The following LIPC variants were observed in gnomAD, a reference collection of about 807,000 sequenced individuals.
LIPC encodes the protein lipase C, hepatic type.
Under a neutral mutation model 50.7 loss-of-function variants are expected in LIPC, and 44 were observed. The observed-to-expected ratio is 0.87, with a 90% CI of 0.68 to 1.11. LIPC has a LOEUF of 1.11. Ranked by LOEUF, LIPC falls within the 50% of genes most tolerant of loss-of-function variation. The pLI is 0.00. For missense variants in LIPC, 697 were observed against 648.2 expected (o/e 1.08, Z -0.82); for synonymous variants, 271 against 256.4 (o/e 1.06, Z -0.54).
At chr15:58,547,442 AATGCAGCCG>A (rs1893574318) in intron 5 of LIPC, among the ~76,000 whole-genome samples, 1 of 152,148 alleles carries the variant, frequency 6.6e-6, no homozygotes, top group Non-Finnish European at 1.5e-5. Flanking sequence ...GTGCCCAAGG[AATGCAGCCG>A]CTAGCGTCCA....
At chr15:58,463,846 T>C (rs1402019598) in intron 1 of LIPC, among the ~76,000 whole-genome samples, 1 of 152,214 alleles carries the variant, frequency 6.6e-6, no homozygotes, top group African/African-American at 2.4e-5. Flanking sequence ...CAGTACCTCT[T>C]GCATAACTTT....
At chr15:58,553,554 C>T (rs1416961939) in intron 6 of LIPC, among the ~76,000 whole-genome samples, 1 of 152,180 alleles carries the variant, frequency 6.6e-6, no homozygotes, top group Non-Finnish European at 1.5e-5. Flanking sequence ...GATGGTGCCA[C>T]TGCACTCTAG....
intron 1 of LIPC, chr15:58,497,984 T>C (rs1421097143): frequency 6.6e-6 from 1 of 152,212 alleles, no homozygotes; most frequent in East Asian, 1.9e-4. Context: ...AGATTCAGGC[T>C]CTGTAGAACC....
chr15:58,509,969 AAG>A (rs201477019), intron 1 of LIPC, among the ~76,000 whole-genome samples: 2 of 144,940 alleles, frequency 1.4e-5, no homozygotes, highest in Non-Finnish European at 3.1e-5. Flanking sequence ...TAAAAAAAAA[AAG>A]AGTTTAGAAA....
intron 1 of LIPC, among the ~76,000 whole-genome samples, chr15:58,462,423 A>G (rs928293062): frequency 1.3e-5 from 2 of 152,232 alleles, no homozygotes; most frequent in Non-Finnish European, 2.9e-5. Flanking sequence ...TTTAGTGTTT[A>G]TGATAAAGGC....
At chr15:58,437,174 G>A (rs970552749) in intron 1 of LIPC, among the ~76,000 whole-genome samples, 7 of 152,116 alleles carry the variant, frequency 4.6e-5, no homozygotes, top group Non-Finnish European at 7.4e-5. Context: ...TTAACACCAG[G>A]GATCTTAGCA....
intron 8 of LIPC, chr15:58,566,501 G>T: frequency 4.1e-6 from 4 of 971,388 alleles, no homozygotes; most frequent in Non-Finnish European, 4.9e-6. Flanking sequence ...AGTGCCTTTT[G>T]CAGACCAAAA....
intron 1 of LIPC, among the ~76,000 whole-genome samples, chr15:58,469,374 C>A (rs1196736137): frequency 6.6e-6 from 1 of 152,110 alleles, no homozygotes; most frequent in African/African-American, 2.4e-5. Context: ...TGGGTCTCAA[C>A]CATTTAGAGT....
intron 1 of LIPC, chr15:58,436,817 A>G (rs1391795542): frequency 4.4e-6 from 2 of 456,224 alleles, no homozygotes; most frequent in African/African-American, 2.0e-5. Flanking sequence ...GTATCCGGAC[A>G]GAAGAGAATG....
intron 1 of LIPC, among the ~76,000 whole-genome samples, chr15:58,470,813 G>A (rs1308771545): frequency 6.6e-6 from 1 of 152,046 alleles, no homozygotes; most frequent in Non-Finnish European, 1.5e-5. Context: ...TTAGCAGCCA[G>A]GATGGTCTTG....
intron 1 of LIPC, among the ~76,000 whole-genome samples, chr15:58,501,110 G>A (rs1243011471): frequency 6.6e-6 from 1 of 151,814 alleles, no homozygotes; most frequent in South Asian, 2.1e-4. Flanking sequence ...TCAGCCTCTG[G>A]GTCCTGCTGA....
intron 1 of LIPC, among the ~76,000 whole-genome samples, chr15:58,506,117 A>G (rs1055025262): frequency 6.6e-6 from 1 of 152,136 alleles, no homozygotes; most frequent in Non-Finnish European, 1.5e-5. Flanking sequence ...GGGTGCCTGT[A>G]GTACCTCTTC....
At chr15:58,513,267 C>A (rs867929343) in intron 1 of LIPC, among the ~76,000 whole-genome samples, 1 of 152,172 alleles carries the variant, frequency 6.6e-6, no homozygotes, top group Non-Finnish European at 1.5e-5. Context: ...TGCAGCCTGC[C>A]CCATTAACAA....
intron 6 of LIPC, among the ~76,000 whole-genome samples, chr15:58,550,304 G>A (rs867552391): frequency 1.4e-4 from 22 of 152,114 alleles, no homozygotes; most frequent in African/African-American, 5.1e-4. Flanking sequence ...GGGCTAAACT[G>A]GGCACTTCAT....
At chr15:58,437,468 G>C (rs1893343169) in intron 1 of LIPC, among the ~76,000 whole-genome samples, 1 of 152,114 alleles carries the variant, frequency 6.6e-6, no homozygotes, top group African/African-American at 2.4e-5. Context: ...TATTGCTAGA[G>C]ATTCTAAGTA....
intron 1 of LIPC, among the ~76,000 whole-genome samples, chr15:58,434,373 G>A (rs1401931141): frequency 6.6e-6 from 1 of 152,154 alleles, no homozygotes; most frequent in Non-Finnish European, 1.5e-5. Context: ...AGTCACTAAT[G>A]TGCTGCACAC....
intron 4 of LIPC, 139 bp downstream of exon 4, chr15:58,542,790 C>T (rs1306035551): frequency 4.5e-6 from 3 of 666,726 alleles, no homozygotes; most frequent in Non-Finnish European, 8.4e-6. Context: ...GGACTTGTGA[C>T]ATTCTTTCAA....
At chr15:58,432,367 T>A in intron 1 of LIPC, 1 of 547,188 alleles carries the variant, frequency 1.8e-6, no homozygotes, top group Non-Finnish European at 3.3e-6. Context: ...TGAAGTCTCT[T>A]GCGTATCTGA....
chr15:58,517,991 G>A (rs535884652), intron 1 of LIPC, among the ~76,000 whole-genome samples: 20 of 152,268 alleles, frequency 1.3e-4, no homozygotes, highest in Non-Finnish European at 2.2e-4. Context: ...TATTCATTCC[G>A]CTGTGTCTGC....
Sources: allele counts gnomAD v4.1 joint callset (sites outside exome capture counted in the v4.1 genomes callset), GRCh38; gene constraint gnomAD v4.1.1; transcripts MANE v1.5; gene names NCBI Gene and HGNC (gene_info 2026-07-23, HGNC 2026-07-21).